Variants in DCAF10 observed in about 807,000 individuals in gnomAD.
The protein encoded by DCAF10 is DDB1- and CUL4-associated factor 10.
In DCAF10, 19 loss-of-function variants were observed where a neutral mutation model predicts 51.9. That is an observed-to-expected ratio of 0.37 (90% confidence interval 0.26 to 0.54). DCAF10 has a LOEUF of 0.54. Among genes scored for constraint, DCAF10 ranks in the 20% least tolerant of loss-of-function variants. DCAF10 has a pLI of 0.87. For missense variants in DCAF10, 510 were observed against 730.6 expected, an observed-to-expected ratio of 0.70 and a Z score of 3.48; for synonymous variants, 291 against 297.1, an observed-to-expected ratio of 0.98 and a Z score of 0.21.
In DCAF10 at chr9:37,852,959, T is replaced by TATATATAC. The variant is rs1430824626; in HGVS notation, c.852-1814_852-1813insCATATATA. On this transcript the variant is annotated intron_variant, in intron 3 of 6. Transcript: ENST00000377724. Reference sequence around the variant, plus strand: ...ATATATATATATATATATATATATATATATATAAATTAGCTTGATTTAGCT... The same window carrying TATATATAC: ...ATATATATATATATATATATATATATATATATACATATATAAATTAGCTTGATTTAGCT... Among the ~76,000 whole-genome samples, 9 of 82,238 alleles carry TATATATAC rather than the reference T, an allele frequency of 1.1e-4. 1 individual carries two copies. Among genetic ancestry groups the TATATATAC allele is most frequent in the Non-Finnish European group, 2.4e-4 (9 of 37,838 alleles). The allele number at this position is 82,238 out of a possible 152,430, so 54.0% of individuals were successfully genotyped here.
At chr9:37,857,988 G>T (rs1364734037) in intron 5 of DCAF10, among the ~76,000 whole-genome samples, 1 of 151,732 alleles carries the variant, frequency 6.6e-6, no homozygotes, top group Non-Finnish European at 1.5e-5. Context: ...ACCATTCATT[G>T]TTTATTCTTC....
chr9:37,816,426 T>C (rs2119047589), intron 1 of DCAF10, among the ~76,000 whole-genome samples: 1 of 152,262 alleles, frequency 6.6e-6, no homozygotes, highest in Admixed American at 6.5e-5. Context: ...CCGTTTCTAC[T>C]AAAAATACAA....
chr9:37,810,831 G>A (rs944286287), intron 1 of DCAF10, among the ~76,000 whole-genome samples: 17 of 152,028 alleles, frequency 1.1e-4, no homozygotes, highest in African/African-American at 1.9e-4. Context: ...TTTAGGATCC[G>A]CAATTTAGGT....
chr9:37,822,817 G>A (rs1043647433), intron 2 of DCAF10, among the ~76,000 whole-genome samples: 2 of 151,962 alleles, frequency 1.3e-5, no homozygotes, highest in African/African-American at 4.8e-5. Context: ...CTAAAAAAAA[G>A]TCAAGCTGGG....
At chr9:37,834,828 G>A (rs566378025) in intron 2 of DCAF10, among the ~76,000 whole-genome samples, 3 of 143,998 alleles carry the variant, frequency 2.1e-5, no homozygotes, top group South Asian at 2.1e-4. Context: ...CACTCATGTC[G>A]CCCAGGCTGG....
At chr9:37,849,357 ACATATTT>A (rs1830566661) in intron 3 of DCAF10, among the ~76,000 whole-genome samples, 1 of 152,226 alleles carries the variant, frequency 6.6e-6, no homozygotes, top group Admixed American at 6.5e-5. Flanking sequence ...ACCAGGTAGT[ACATATTT>A]TAGGCTTTGT....
intron 1 of DCAF10, among the ~76,000 whole-genome samples, chr9:37,803,058 TTTTG>T (rs1301257030): frequency 6.6e-6 from 1 of 152,204 alleles, no homozygotes; most frequent in Non-Finnish European, 1.5e-5. Flanking sequence ...ATTGCTTAGT[TTTTG>T]TTTGAATCTA....
intron 1 of DCAF10, among the ~76,000 whole-genome samples, chr9:37,816,590 CA>C (rs78473199): frequency 0.2 from 28,934 of 148,222 alleles, 3,171 homozygotes; most frequent in African/African-American, 0.3. Flanking sequence ...AACTCTGTCT[CA>C]AAAAAAAACA....
intron 5 of DCAF10, among the ~76,000 whole-genome samples, chr9:37,857,587 G>C (rs140757611): frequency 1.2e-3 from 190 of 152,280 alleles, no homozygotes; most frequent in Middle Eastern, 3.4e-3. Flanking sequence ...GCTGGACTTA[G>C]TTTGGTCTAG....
chr9:37,833,168 A>G (rs1335167361), intron 2 of DCAF10, among the ~76,000 whole-genome samples: 1 of 152,236 alleles, frequency 6.6e-6, no homozygotes, highest in Non-Finnish European at 1.5e-5. Context: ...TTTTGATTAT[A>G]CTACAAATTC....
intron 1 of DCAF10, among the ~76,000 whole-genome samples, chr9:37,802,254 C>A (rs1828976536): frequency 6.6e-6 from 1 of 152,114 alleles, no homozygotes; most frequent in African/African-American, 2.4e-5. Context: ...GCAAAACCAG[C>A]TAATGGCACT....
At chr9:37,840,280 A>C (rs533551046) in intron 2 of DCAF10, among the ~76,000 whole-genome samples, 1 of 152,346 alleles carries the variant, frequency 6.6e-6, no homozygotes, top group East Asian at 1.9e-4. Context: ...ATTAAACTGT[A>C]AAACAGCCTC....
chr9:37,850,317 G>T (rs114719971), intron 3 of DCAF10, among the ~76,000 whole-genome samples: 173 of 152,256 alleles, frequency 1.1e-3, no homozygotes, highest in African/African-American at 4.0e-3. Flanking sequence ...ATGTCAAAAA[G>T]ATATCTGCAC....
intron 1 of DCAF10, among the ~76,000 whole-genome samples, chr9:37,817,079 C>T (rs571757209): frequency 6.6e-6 from 1 of 152,204 alleles, no homozygotes; most frequent in African/African-American, 2.4e-5. Context: ...AAGAACAAAA[C>T]TTGTATGTAG....
chr9:37,853,339 A>G (rs7032267), intron 3 of DCAF10, among the ~76,000 whole-genome samples: 28,390 of 147,950 alleles, frequency 0.19, 3,094 homozygotes, highest in African/African-American at 0.29. Flanking sequence ...CTTGAACCCG[A>G]GAGGCAGAGG....
intron 2 of DCAF10, among the ~76,000 whole-genome samples, chr9:37,819,890 G>C (rs1393217103): frequency 6.6e-6 from 1 of 152,132 alleles, no homozygotes; most frequent in Non-Finnish European, 1.5e-5. Flanking sequence ...TGAGTAGTTT[G>C]GTGATTAATA....
At chr9:37,816,657 G>GGGGT (rs1491425773) in intron 1 of DCAF10, among the ~76,000 whole-genome samples, 3 of 110,360 alleles carry the variant, frequency 2.7e-5, no homozygotes, top group Non-Finnish European at 4.1e-5. Context: ...ATCTGCACCT[G>GGGGT]GGGTGTGTGT....
At chr9:37,856,027 T>G (rs2118166437) in intron 4 of DCAF10, among the ~76,000 whole-genome samples, 1 of 152,286 alleles carries the variant, frequency 6.6e-6, no homozygotes, top group East Asian at 1.9e-4. Flanking sequence ...AGCATGCATC[T>G]GTAGTCCCAT....
At chr9:37,823,710 AAAAAG>A (rs1179192142) in intron 2 of DCAF10, among the ~76,000 whole-genome samples, 12 of 152,264 alleles carry the variant, frequency 7.9e-5, no homozygotes, top group South Asian at 4.1e-4. Context: ...AGTCACACTA[AAAAAG>A]AAAAGAGGTA....
Sources: gnomAD v4.1 joint callset for allele counts (sites outside exome capture counted in the v4.1 genomes callset) on GRCh38, gnomAD v4.1.1 for gene constraint, MANE v1.5 for transcripts, NCBI Gene and HGNC (gene_info 2026-07-23, HGNC 2026-07-21) for gene names.